The following INPP4B variants were observed in gnomAD, a reference collection of about 807,000 sequenced individuals.
INPP4B encodes the protein inositol polyphosphate-4-phosphatase type II B, also known as inositol polyphosphate 4-phosphatase type II.
In INPP4B, 55 loss-of-function variants were observed where a neutral mutation model predicts 122.5. The observed-to-expected ratio is 0.45, with a 90% CI of 0.36 to 0.56. The LOEUF (loss-of-function observed/expected upper bound fraction) is 0.56, where lower values mean the gene tolerates loss of function less well. Among genes scored for constraint, INPP4B ranks in the 20% least tolerant of loss-of-function variants. The probability of loss-of-function intolerance (pLI) is 0.00; values close to 1 mark genes in which losing one functional copy is unlikely to be tolerated. For missense variants in INPP4B, 1,000 were observed against 1,097.7 expected, an observed-to-expected ratio of 0.91 and a Z score of 1.26; for synonymous variants, 403 against 388.7, an observed-to-expected ratio of 1.04 and a Z score of -0.43.
intron 2 of INPP4B, among the ~76,000 whole-genome samples, chr4:142,631,632 A>G (rs1747974526): frequency 6.6e-6 from 1 of 152,144 alleles, no homozygotes; most frequent in African/African-American, 2.4e-5. Context: ...ATCTACATCT[A>G]AATACATCAT....
intron 1 of INPP4B, among the ~76,000 whole-genome samples, chr4:142,804,767 G>A (rs1452442431): frequency 6.6e-6 from 1 of 152,112 alleles, no homozygotes; most frequent in East Asian, 1.9e-4. Flanking sequence ...CCCTGGCTCA[G>A]GTGATCCTTC....
intron 7 of INPP4B, among the ~76,000 whole-genome samples, chr4:142,323,159 G>A (rs1042815586): frequency 2.6e-5 from 4 of 151,980 alleles, no homozygotes; most frequent in Admixed American, 2.0e-4. Context: ...AAATTTTAGT[G>A]TGCATACTCA....
In INPP4B at chr4:142,245,902, GTA is replaced by G. The variant is rs1561599110; in HGVS notation, c.689-7893_689-7892del. 6.7e-4 allele frequency among the ~76,000 whole-genome samples: 16 copies of G among 23,840 alleles called. 1 individual carries two copies. Among genetic ancestry groups the G allele is most frequent in the Admixed American group, 5.8e-3 (12 of 2,058 alleles). 15.6% of individuals were successfully genotyped at this position (23,840 alleles called of 152,430 possible). A position where few individuals can be genotyped will look rare whatever the true frequency, so the allele number is the denominator to read the frequency against. The stretch of plus-strand genomic sequence containing the variant: ...TATATGTGTATGTATACATATATGT[GTA>G]TGTATACATATATATGTGTATGTAT... On this transcript the variant is annotated intron_variant, in intron 11 of 25. Transcript: ENST00000262992.
chr4:142,121,281 C>G (rs770072674), intron 21 of INPP4B, among the ~76,000 whole-genome samples: 4 of 151,884 alleles, frequency 2.6e-5, no homozygotes, highest in Admixed American at 6.6e-5. Context: ...TTCTGGGTAT[C>G]CTTCATAACA....
intron 25 of INPP4B, chr4:142,029,717 GTGGAAATAA>G: frequency 1.0e-6 from 1 of 989,876 alleles, no homozygotes; most frequent in Non-Finnish European, 1.2e-6. Flanking sequence ...TATTAGCACA[GTGGAAATAA>G]AGTCTGCAAC....
chr4:142,747,852 A>G (rs1769007178), intron 1 of INPP4B, among the ~76,000 whole-genome samples: 1 of 149,050 alleles, frequency 6.7e-6, no homozygotes, highest in African/African-American at 2.5e-5. Flanking sequence ...GGGGAACATC[A>G]CATACCAGGG....
chr4:142,796,137 T>C (rs1359931521), intron 1 of INPP4B, among the ~76,000 whole-genome samples: 1 of 152,008 alleles, frequency 6.6e-6, no homozygotes, highest in Non-Finnish European at 1.5e-5. Flanking sequence ...TACATGCATC[T>C]TCTCATAGGT....
At chr4:142,139,031 C>T (rs1362842125) in intron 18 of INPP4B, among the ~76,000 whole-genome samples, 1 of 152,082 alleles carries the variant, frequency 6.6e-6, no homozygotes, top group Non-Finnish European at 1.5e-5. Context: ...AGTCTTTTAT[C>T]TTGTAAGTGA....
intron 2 of INPP4B, among the ~76,000 whole-genome samples, chr4:142,506,272 G>C (rs1259646600): frequency 6.6e-6 from 1 of 152,040 alleles, no homozygotes; most frequent in Non-Finnish European, 1.5e-5. Flanking sequence ...AGTGATAAAT[G>C]TTCACACATT....
At chr4:142,543,703 C>G (rs1829206499) in intron 2 of INPP4B, among the ~76,000 whole-genome samples, 1 of 152,148 alleles carries the variant, frequency 6.6e-6, no homozygotes, top group South Asian at 2.1e-4. Flanking sequence ...TTCCATAAGA[C>G]TTATTGTGGC....
At chr4:142,214,767 G>A (rs1461507149) in intron 12 of INPP4B, among the ~76,000 whole-genome samples, 1 of 152,110 alleles carries the variant, frequency 6.6e-6, no homozygotes, top group African/African-American at 2.4e-5. Context: ...TAGTCAGGCT[G>A]GACTCGAACT....
chr4:142,193,343 G>A, intron 14 of INPP4B, 148 bp from the exon 15 acceptor site: 1 of 558,092 alleles, frequency 1.8e-6, no homozygotes, highest in South Asian at 2.5e-5. Flanking sequence ...ATCTCAAGGG[G>A]GAAAGAGGAG....
intron 2 of INPP4B, among the ~76,000 whole-genome samples, chr4:142,608,910 C>T (rs1741891044): frequency 6.6e-6 from 1 of 152,158 alleles, no homozygotes; most frequent in African/African-American, 2.4e-5. Flanking sequence ...AATCTCCACT[C>T]TTGTCATATT....
At chr4:142,447,980 T>G (rs1469075998) in intron 3 of INPP4B, among the ~76,000 whole-genome samples, 1 of 152,154 alleles carries the variant, frequency 6.6e-6, no homozygotes, top group Non-Finnish European at 1.5e-5. Flanking sequence ...GAAGACTTCA[T>G]GAACATTATG....
intron 2 of INPP4B, among the ~76,000 whole-genome samples, chr4:142,594,678 G>A (rs1406498385): frequency 6.6e-5 from 10 of 152,032 alleles, no homozygotes; most frequent in African/African-American, 1.7e-4. Flanking sequence ...ACATGAGGCC[G>A]GGCATGGTGG....
intron 17 of INPP4B, among the ~76,000 whole-genome samples, chr4:142,152,475 G>A (rs1004195431): frequency 1.4e-4 from 22 of 152,042 alleles, no homozygotes; most frequent in Middle Eastern, 3.2e-3. Context: ...GGAAATAGAT[G>A]CATAAAAGAA....
intron 1 of INPP4B, among the ~76,000 whole-genome samples, chr4:142,818,662 G>A (rs1005887760): frequency 3.3e-5 from 5 of 152,004 alleles, no homozygotes; most frequent in East Asian, 1.9e-4. Flanking sequence ...GCCCCGATCC[G>A]TGTAGCCAGC....
intron 2 of INPP4B, chr4:142,473,197 G>T (rs2149696651): frequency 6.6e-6 from 1 of 152,320 alleles, no homozygotes; most frequent in South Asian, 2.1e-4. Context: ...TGGCAGACTA[G>T]AAGCCGCTAA....
chr4:142,200,119 T>C (rs1251574328), intron 14 of INPP4B, among the ~76,000 whole-genome samples: 1 of 151,976 alleles, frequency 6.6e-6, no homozygotes, highest in East Asian at 1.9e-4. Flanking sequence ...ACTTATTCAG[T>C]CATCTATTAA....
Sources: gnomAD v4.1 joint callset for allele counts (sites outside exome capture counted in the v4.1 genomes callset) on GRCh38, gnomAD v4.1.1 for gene constraint, MANE v1.5 for transcripts, NCBI Gene and HGNC (gene_info 2026-07-23, HGNC 2026-07-21) for gene names.